The following FAM193A variants were observed in gnomAD, a reference collection of about 807,000 sequenced individuals.
FAM193A encodes family with sequence similarity 193 member A.
A neutral mutation model predicts 126.5 loss-of-function variants in FAM193A; 22 were observed. The observed-to-expected ratio is 0.17, with a 90% CI of 0.12 to 0.25. The LOEUF (loss-of-function observed/expected upper bound fraction) is 0.25. Among genes scored for constraint, FAM193A ranks in the 10% least tolerant of loss-of-function variants. FAM193A has a pLI of 1.00. For synonymous variants in FAM193A, 761 were observed against 646.8 expected, an observed-to-expected ratio of 1.18 and a Z score of -2.68; for missense variants, 1,675 against 1,672.8, an observed-to-expected ratio of 1.00 and a Z score of -0.02.
intron 6 of FAM193A, among the ~76,000 whole-genome samples, chr4:2,645,336 A>G (rs542370482): frequency 1.3e-5 from 2 of 152,258 alleles, no homozygotes; most frequent in African/African-American, 4.8e-5. Context: ...GTAATAATCT[A>G]CATGTGTCTC....
intron 6 of FAM193A, among the ~76,000 whole-genome samples, chr4:2,641,277 C>T (rs1196269382): frequency 1.3e-5 from 2 of 151,494 alleles, no homozygotes; most frequent in East Asian, 2.0e-4. Flanking sequence ...GAACTCCTGA[C>T]GTCAAGTGAT....
At chr4:2,587,976 A>G (rs1453133788) in intron 1 of FAM193A, among the ~76,000 whole-genome samples, 1 of 152,196 alleles carries the variant, frequency 6.6e-6, no homozygotes, top group Non-Finnish European at 1.5e-5. Flanking sequence ...GTGAAGAGCT[A>G]GTTGGAGGAC....
At chr4:2,711,606 C>A (rs1035827682) in intron 19 of FAM193A, among the ~76,000 whole-genome samples, 2 of 151,624 alleles carry the variant, frequency 1.3e-5, no homozygotes, top group African/African-American at 4.8e-5. Flanking sequence ...TCCCAAAGTG[C>A]TGGGATTACT....
chr4:2,691,508 G>A (rs1040925010), intron 15 of FAM193A, among the ~76,000 whole-genome samples: 5 of 152,204 alleles, frequency 3.3e-5, no homozygotes, highest in Non-Finnish European at 5.9e-5. Flanking sequence ...GATGTGAGCT[G>A]ACAGGGCTGC....
In FAM193A at chr4:2,596,088, C is replaced by T; in HGVS notation, c.260C>T (p.Pro87Leu). 2 of 694,748 alleles carry T rather than the reference C, an allele frequency of 2.9e-6. No individual in the cohort carries two copies. The highest frequency in any genetic ancestry group is 2.3e-4 in the Middle Eastern group (1 of 4,328). 43.0% of individuals were successfully genotyped at this position (694,748 alleles called of 1,614,324 possible). Residue 87 changes from proline to leucine, a missense_variant, in exon 2 of 21, where the codon CCT becomes CTT. This residue lies in a region of FAM193A where 1,186 missense variants were observed against 1,109.2 expected (regional missense o/e 1.07). Coordinates refer to ENST00000637812, the MANE Select transcript of FAM193A (RefSeq NM_001366318.2). The stretch of plus-strand genomic sequence containing the variant: ...AATTTTTTTTTTCTATTCCAGACTC[C>T]TTTTAGTTTTGGCATGAATCATAGG... Reference protein sequence around the residue: ...GAAPGGYFETPFSFGMNHRTP... With the variant: ...GAAPGGYFETLFSFGMNHRTP...
intron 4 of FAM193A, among the ~76,000 whole-genome samples, chr4:2,627,744 A>ATT (rs764315526): frequency 1.5e-4 from 17 of 113,476 alleles, no homozygotes; most frequent in African/African-American, 4.0e-4. Context: ...TGCCCAGCTA[A>ATT]TTTTTTTTTT....
At chr4:2,627,575 C>CT (rs753783682) in intron 4 of FAM193A, among the ~76,000 whole-genome samples, 1,149 of 63,974 alleles carry the variant, frequency 0.018, 114 homozygotes, top group African/African-American at 0.03. Flanking sequence ...ATTTGGGAGG[C>CT]TTTTTTTTTT....
At chr4:2,608,341 G>A (rs1400340440) in intron 2 of FAM193A, among the ~76,000 whole-genome samples, 2 of 152,016 alleles carry the variant, frequency 1.3e-5, no homozygotes, top group Non-Finnish European at 2.9e-5. Context: ...ACCATGCCTG[G>A]CTAATTTTTT....
At chr4:2,658,005 C>T in intron 8 of FAM193A, 125 bp downstream of exon 8, 1 of 706,068 alleles carries the variant, frequency 1.4e-6, no homozygotes, top group South Asian at 1.8e-5. Flanking sequence ...CATGTTTTGC[C>T]AGCGTTAAAA....
At chr4:2,639,096 A>G (rs2109024126) in intron 5 of FAM193A, among the ~76,000 whole-genome samples, 1 of 152,350 alleles carries the variant, frequency 6.6e-6, no homozygotes, top group Non-Finnish European at 1.5e-5. Context: ...AAAGGTAATA[A>G]TGGCATCAAC....
At chr4:2,641,382 G>A (rs1744606025) in intron 6 of FAM193A, among the ~76,000 whole-genome samples, 2 of 152,034 alleles carry the variant, frequency 1.3e-5, no homozygotes, top group South Asian at 4.1e-4. Flanking sequence ...TATTAGGACT[G>A]GTACGGTGGC....
chr4:2,562,639 T>TC (rs1029197482), intron 1 of FAM193A, among the ~76,000 whole-genome samples: 6 of 151,802 alleles, frequency 4.0e-5, no homozygotes, highest in African/African-American at 1.5e-4. Flanking sequence ...TTTTTTTGTT[T>TC]TTTTTTTTTT....
At chr4:2,621,594 TG>T (rs1464827246) in intron 2 of FAM193A, among the ~76,000 whole-genome samples, 3 of 152,206 alleles carry the variant, frequency 2.0e-5, no homozygotes, top group East Asian at 3.9e-4. Flanking sequence ...TGCTGCTGCT[TG>T]GAGAATGGAT....
chr4:2,540,647 C>CA (rs1170551825), intron 1 of FAM193A, among the ~76,000 whole-genome samples: 2 of 151,658 alleles, frequency 1.3e-5, no homozygotes, highest in African/African-American at 4.8e-5. Context: ...GACTCCGTCT[C>CA]AAAAAAACAA....
At chr4:2,690,606 A>T in intron 14 of FAM193A, 92 bp from the exon 15 acceptor site, 1 of 1,175,702 alleles carries the variant, frequency 8.5e-7, no homozygotes. Context: ...TAGCACCCCC[A>T]GTATCAAGTG....
chr4:2,645,397 C>T (rs1341287657), intron 6 of FAM193A, among the ~76,000 whole-genome samples: 1 of 152,202 alleles, frequency 6.6e-6, no homozygotes, highest in African/African-American at 2.4e-5. Flanking sequence ...CTTCTGTCTC[C>T]CAATCGCCAT....
At chr4:2,692,288 G>A (rs946632003) in intron 15 of FAM193A, among the ~76,000 whole-genome samples, 1 of 152,170 alleles carries the variant, frequency 6.6e-6, no homozygotes, top group Non-Finnish European at 1.5e-5. Context: ...AAAACCATCA[G>A]CTCTCGTGAG....
chr4:2,550,647 G>A (rs778268642), intron 1 of FAM193A, among the ~76,000 whole-genome samples: 2 of 151,342 alleles, frequency 1.3e-5, no homozygotes, highest in Non-Finnish European at 2.9e-5. Flanking sequence ...TGTTGGTCAG[G>A]CTGGTCTTGA....
At chr4:2,665,604 G>T (rs1240814269) in intron 12 of FAM193A, among the ~76,000 whole-genome samples, 2 of 152,120 alleles carry the variant, frequency 1.3e-5, no homozygotes, top group Admixed American at 1.3e-4. Context: ...AAACAGCTGG[G>T]CTCAAGCAGT....
Sources: allele counts gnomAD v4.1 joint callset (sites outside exome capture counted in the v4.1 genomes callset), GRCh38; gene constraint gnomAD v4.1.1; regional missense constraint gnomAD v4.1.1; transcripts MANE v1.5; gene names NCBI Gene and HGNC (gene_info 2026-07-23, HGNC 2026-07-21).